Variants in ALG9 observed in about 807,000 individuals in gnomAD.
The protein encoded by ALG9 is ALG9 alpha-1,2-mannosyltransferase, also known as alpha-1,2-mannosyltransferase ALG9.
In ALG9, 55 loss-of-function variants were observed where a neutral mutation model predicts 81.8. The ratio of observed to expected loss-of-function variants is 0.67; its 90% CI spans 0.54 to 0.84. The LOEUF (loss-of-function observed/expected upper bound fraction) is 0.84. ALG9 is among the 40% of genes least tolerant of loss of function. The pLI, the probability that ALG9 is intolerant of heterozygous loss-of-function variation, is 0.00. For missense variants in ALG9, 629 were observed against 745.0 expected, an observed-to-expected ratio of 0.84 and a Z score of 1.81; for synonymous variants, 278 against 274.3, an observed-to-expected ratio of 1.01 and a Z score of -0.13.
At chr11:111,866,087 G>A (rs1962318000) in intron 3 of ALG9, among the ~76,000 whole-genome samples, 1 of 152,072 alleles carries the variant, frequency 6.6e-6, no homozygotes, top group Admixed American at 6.6e-5. Flanking sequence ...TTGAGGTCAG[G>A]AGTTCGAGAC....
chr11:111,862,045 T>C (rs966988721), intron 4 of ALG9, among the ~76,000 whole-genome samples: 14 of 152,144 alleles, frequency 9.2e-5, no homozygotes, highest in African/African-American at 3.1e-4. Flanking sequence ...TACACTAATT[T>C]TTTATGTATC....
chr11:111,794,566 G>A (rs1203200017), intron 14 of ALG9, among the ~76,000 whole-genome samples: 2 of 152,098 alleles, frequency 1.3e-5, no homozygotes, highest in South Asian at 2.1e-4. Context: ...CTGCAGGCAT[G>A]AGCCACCATG....
intron 14 of ALG9, among the ~76,000 whole-genome samples, chr11:111,793,266 G>A (rs1329682214): frequency 1.3e-5 from 2 of 152,186 alleles, no homozygotes; most frequent in Non-Finnish European, 2.9e-5. Flanking sequence ...ACAGGTATGA[G>A]TCACTGCACA....
chr11:111,857,663 TG>T lies in ALG9; in HGVS notation c.639del (p.Ile214LeufsTer6). On this transcript the variant is annotated frameshift_variant, in exon 6 of 15. Transcript: ENST00000616540. LOFTEE classifies it high-confidence loss of function. Reference sequence around the variant, plus strand: ...CCAGCTGCTACTCCCAGCACAGCAATGGAAGTCTTGTCCATATACCATCCAG... The same window carrying T: ...CCAGCTGCTACTCCCAGCACAGCAATGAAGTCTTGTCCATATACCATCCAG... ...AMTGWYMDKT[S>X]IAVLGVAAGA... is the part of the protein sequence containing the mutation. The T allele has an allele frequency of 1.2e-6, 2 of 1,614,196 alleles. No homozygotes were observed. The highest frequency in any genetic ancestry group is 1.7e-6 in the Non-Finnish European group (2 of 1,180,036).
intron 3 of ALG9, among the ~76,000 whole-genome samples, chr11:111,865,567 T>C (rs1962093057): frequency 1.3e-5 from 2 of 152,238 alleles, no homozygotes; most frequent in African/African-American, 4.8e-5. Context: ...TACATCTAGC[T>C]CATGGACAAT....
chr11:111,781,618 T>C (rs1212324296), downstream of ALG9, among the ~76,000 whole-genome samples: 1 of 152,122 alleles, frequency 6.6e-6, no homozygotes, highest in Non-Finnish European at 1.5e-5. Flanking sequence ...TGTTCATGTA[T>C]TGAGTAATTC....
chr11:111,771,563 A>G, the ALG9 span, among the ~76,000 whole-genome samples: 1 of 152,292 alleles, frequency 6.6e-6, no homozygotes, highest in African/African-American at 2.4e-5. Flanking sequence ...ACTGTGTGAG[A>G]AGGCCAAGTG....
At chr11:111,805,916 G>C (rs1441921967) in intron 14 of ALG9, among the ~76,000 whole-genome samples, 1 of 152,158 alleles carries the variant, frequency 6.6e-6, no homozygotes, top group African/African-American at 2.4e-5. Context: ...GAGTGCAGTG[G>C]TGTGATCTTG....
chr11:111,866,153 C>A (rs1220948500), intron 3 of ALG9, among the ~76,000 whole-genome samples: 1 of 152,046 alleles, frequency 6.6e-6, no homozygotes, highest in African/African-American at 2.4e-5. Flanking sequence ...AAAAATTAGC[C>A]AGGCATGGTG....
chr11:111,838,178 A>G (rs1555119439), intron 11 of ALG9, 71 bp downstream of exon 11: 1 of 1,579,396 alleles, frequency 6.3e-7, no homozygotes, highest in East Asian at 2.2e-5. Flanking sequence ...GTATTATATA[A>G]TCATGAATCA....
At chr11:111,794,174 G>T (rs1947894643) in intron 14 of ALG9, among the ~76,000 whole-genome samples, 1 of 152,218 alleles carries the variant, frequency 6.6e-6, no homozygotes, top group South Asian at 2.1e-4. Flanking sequence ...TGCTCTTGCT[G>T]ACGTCAATGA....
At chr11:111,832,449 T>TA (rs1954536095) in intron 13 of ALG9, among the ~76,000 whole-genome samples, 1 of 151,924 alleles carries the variant, frequency 6.6e-6, no homozygotes, top group African/African-American at 2.4e-5. Context: ...CTAATTTATT[T>TA]TTTTTTTATT....
At position 111,783,917 on chromosome 11, in the gene ALG9, G is replaced by GC. The variant is rs1946185584; in HGVS notation, c.*2479_*2480insG. On this transcript the variant is annotated 3_prime_UTR_variant, in exon 15 of 15. Coordinates refer to ENST00000616540, the MANE Select transcript of ALG9 (RefSeq NM_024740.2). Reference sequence around the variant, plus strand: ...TGCGCTATATTATAATTAAGGTTTTGTTTTTTTAAAAAAAAAAAAAAACAA... The same window carrying GC: ...TGCGCTATATTATAATTAAGGTTTTGCTTTTTTTAAAAAAAAAAAAAAACAA... The GC allele has an allele frequency of 8.6e-6, 1 of 116,184 alleles. No individual in the cohort carries two copies. Among genetic ancestry groups the GC allele is most frequent in the Non-Finnish European group, 1.8e-5 (1 of 54,440 alleles). The allele number at this position is 116,184 out of a possible 1,614,324, so 7.2% of individuals were successfully genotyped here.
At chr11:111,807,876 C>T (rs1485193296) in intron 14 of ALG9, among the ~76,000 whole-genome samples, 1 of 152,054 alleles carries the variant, frequency 6.6e-6, no homozygotes, top group African/African-American at 2.4e-5. Context: ...CTTGAGCTTA[C>T]GAGTTTAAAA....
rs184560731 is a variant in ALG9 at position 111,853,974 on chromosome 11, T to C, written c.702-238A>G. ...ATGAATTCCATTTTATACACATTTA[T>C]GGGTAACAGAAATTTAAAATATATG... On this transcript the variant is annotated intron_variant, in intron 6 of 14. Transcript: ENST00000616540. Among the ~76,000 whole-genome samples the C allele has an allele frequency of 6.7e-3, 1,013 of 152,266 alleles. 6 individuals are homozygous for C. The highest frequency in any genetic ancestry group is 0.051 in the Middle Eastern group (15 of 294).
At chr11:111,808,810 C>T (rs575147122) in intron 14 of ALG9, among the ~76,000 whole-genome samples, 6 of 152,338 alleles carry the variant, frequency 3.9e-5, no homozygotes, top group Admixed American at 1.3e-4. Context: ...TGCCCTCAGA[C>T]ACCTTGACCC....
chr11:111,775,969 C>A, the ALG9 span, among the ~76,000 whole-genome samples: 1 of 152,124 alleles, frequency 6.6e-6, no homozygotes, highest in African/African-American at 2.4e-5. Context: ...TATCTCCAAG[C>A]ATCAGTTTCC....
Position 111,860,643 on chromosome 11 carries a change from A to G in ALG9, c.477-8T>C. The G allele has an allele frequency of 6.2e-7, 1 of 1,608,068 alleles. No individual in the cohort carries two copies. The highest frequency in any genetic ancestry group is 1.7e-4 in the Middle Eastern group (1 of 6,052). On this transcript the variant is annotated splice_polypyrimidine_tract_variant and splice_region_variant and intron_variant, in intron 4 of 14. Transcript: ENST00000616540. Reference sequence around the variant, plus strand: ...AACTTCTTGCACACAGCCCTAGGAAAAAGGCAAAGACTATCAGCATTGAGA... The same window carrying G: ...AACTTCTTGCACACAGCCCTAGGAAGAAGGCAAAGACTATCAGCATTGAGA...
In ALG9 at chr11:111,870,382, C is replaced by CCAAAAAAAAAAAA. The variant is rs1555157382; in HGVS notation, c.132-13_132-12insTTTTTTTTTTTTG. The CCAAAAAAAAAAAA allele has an allele frequency of 1.8e-5, 18 of 973,948 alleles. 1 individual carries two copies. Among genetic ancestry groups the CCAAAAAAAAAAAA allele is most frequent in the African/African-American group, 7.2e-5 (2 of 27,894 alleles). 60.3% of individuals were successfully genotyped at this position (973,948 alleles called of 1,614,324 possible). On this transcript the variant is annotated splice_polypyrimidine_tract_variant and intron_variant, in intron 1 of 14. Coordinates refer to ENST00000616540, the MANE Select transcript of ALG9 (RefSeq NM_024740.2). ...TGTTCCCAGATAACCTGTTCAAAAG[C>CCAAAAAAAAAAAA]AAAAAAAAAAAAAAAAAAAAAAGCA...
Sources: allele counts gnomAD v4.1 joint callset (sites outside exome capture counted in the v4.1 genomes callset), GRCh38; gene constraint gnomAD v4.1.1; transcripts MANE v1.5; gene names NCBI Gene and HGNC (gene_info 2026-07-23, HGNC 2026-07-21).